LARP4B: variants seen among roughly 807,000 people sequenced by gnomAD.
LARP4B encodes the protein La ribonucleoprotein 4B.
In LARP4B, 12 loss-of-function variants were observed where a neutral mutation model predicts 89.8. The observed-to-expected ratio is 0.13, with a 90% CI of 0.09 to 0.22. The LOEUF (loss-of-function observed/expected upper bound fraction) is 0.22, where lower values mean the gene tolerates loss of function less well. LARP4B is among the 10% of genes least tolerant of loss of function. LARP4B has a pLI of 1.00. For missense variants in LARP4B, 757 were observed against 947.7 expected, an observed-to-expected ratio of 0.80 and a Z score of 2.64; for synonymous variants, 367 against 363.3, an observed-to-expected ratio of 1.01 and a Z score of -0.12.
the LARP4B span, among the ~76,000 whole-genome samples, chr10:967,115 G>C: frequency 6.6e-6 from 1 of 152,236 alleles, no homozygotes; most frequent in Non-Finnish European, 1.5e-5. Context: ...CAGAGCTGCA[G>C]TCAGCCTGGT....
At chr10:870,239 G>A (rs1252976092) in intron 3 of LARP4B, among the ~76,000 whole-genome samples, 1 of 152,114 alleles carries the variant, frequency 6.6e-6, no homozygotes, top group African/African-American at 2.4e-5. Context: ...AGAAAATGCT[G>A]GGTTTCCTAA....
intron 8 of LARP4B, among the ~76,000 whole-genome samples, chr10:832,566 A>C (rs1832965178): frequency 6.6e-6 from 1 of 152,228 alleles, no homozygotes. Flanking sequence ...GCTTAAAACC[A>C]GTAGTAAAAT....
chr10:936,163 A>G (rs1564453670), upstream of LARP4B, among the ~76,000 whole-genome samples: 5 of 152,150 alleles, frequency 3.3e-5, no homozygotes, highest in Admixed American at 3.3e-4. Flanking sequence ...ACAAATATTC[A>G]CTGAGTACCT....
chr10:987,354 G>T, the LARP4B span: 1 of 152,266 alleles, frequency 6.6e-6, no homozygotes, highest in Non-Finnish European at 1.5e-5. Flanking sequence ...GTATTTTCGC[G>T]TAAGAATAAT....
chr10:986,283 T>C, the LARP4B span: 4 of 152,236 alleles, frequency 2.6e-5, 1 homozygote, highest in South Asian at 6.2e-4. Flanking sequence ...AGCTGAGAAG[T>C]ACCTTTCTGT....
At position 817,729 on chromosome 10, in the gene LARP4B, T is replaced by G; in HGVS notation, c.1691A>C (p.Glu564Ala). 6.2e-7 allele frequency: 1 copy of G among 1,613,940 alleles called. No homozygotes were observed. The highest frequency in any genetic ancestry group is 8.5e-7 in the Non-Finnish European group (1 of 1,179,834). Residue 564 changes from glutamate to alanine, a missense_variant, in exon 15 of 18, where the codon GAA becomes GCA. By Grantham distance (107) the Glu-to-Ala change is moderately radical (BLOSUM62 -1). Transcript: ENST00000316157. The part of the protein sequence containing the change: ...LSSLIIGPSK[E>A]RTLSADASVN... ...GACATGCAATATATCCCTTACCCTTTCTTTGGATGGTCCTATTATCAAGCT... is the reference window on the plus strand; with the variant it reads ...GACATGCAATATATCCCTTACCCTTGCTTTGGATGGTCCTATTATCAAGCT...
At chr10:855,455 T>C (rs932996230) in intron 5 of LARP4B, among the ~76,000 whole-genome samples, 2 of 152,090 alleles carry the variant, frequency 1.3e-5, no homozygotes, top group African/African-American at 4.8e-5. Context: ...AATACTGTCA[T>C]GTCTCAGGGA....
intron 8 of LARP4B, among the ~76,000 whole-genome samples, chr10:835,487 C>G (rs1376570875): frequency 6.6e-6 from 1 of 152,148 alleles, no homozygotes; most frequent in African/African-American, 2.4e-5. Context: ...CAGGCAGATT[C>G]CGTTTTCTGA....
At chr10:909,483 A>G (rs1393176136) in intron 1 of LARP4B, among the ~76,000 whole-genome samples, 1 of 151,864 alleles carries the variant, frequency 6.6e-6, no homozygotes, top group Non-Finnish European at 1.5e-5. Context: ...GTTACTTACA[A>G]AAGTACTTTT....
At chr10:862,653 A>C (rs538661932) in intron 5 of LARP4B, among the ~76,000 whole-genome samples, 1 of 152,068 alleles carries the variant, frequency 6.6e-6, no homozygotes, top group Non-Finnish European at 1.5e-5. Context: ...CCAGCTACTC[A>C]GGAGGCTGAG....
At chr10:929,698 T>TCC (rs1414854250) in intron 1 of LARP4B, among the ~76,000 whole-genome samples, 2 of 152,208 alleles carry the variant, frequency 1.3e-5, no homozygotes, top group Admixed American at 1.3e-4. Flanking sequence ...ATTATCATCA[T>TCC]CCCCCTGTTA....
chr10:890,272 A>C (rs1469507446), intron 1 of LARP4B, among the ~76,000 whole-genome samples: 1 of 152,202 alleles, frequency 6.6e-6, no homozygotes, highest in East Asian at 1.9e-4. Flanking sequence ...ATCAAAGGCA[A>C]TCTCATCCAA....
the LARP4B span, among the ~76,000 whole-genome samples, chr10:983,688 C>T: frequency 1.3e-5 from 2 of 152,150 alleles, no homozygotes; most frequent in Admixed American, 1.3e-4. Flanking sequence ...ACCGAATTAC[C>T]TCCCCAAGGC....
intron 1 of LARP4B, among the ~76,000 whole-genome samples, chr10:897,963 G>C (rs1299143816): frequency 7.1e-6 from 1 of 140,506 alleles, no homozygotes; most frequent in African/African-American, 2.7e-5. Flanking sequence ...ACTCCAGCCT[G>C]GGCGACAAAG....
chr10:980,682 T>C, the LARP4B span, among the ~76,000 whole-genome samples: 1 of 152,226 alleles, frequency 6.6e-6, no homozygotes, highest in African/African-American at 2.4e-5. Context: ...GGGCAATGGA[T>C]ACCCTGGGCC....
chr10:853,853 G>C (rs921229975), intron 5 of LARP4B, among the ~76,000 whole-genome samples: 1 of 152,178 alleles, frequency 6.6e-6, no homozygotes, highest in Admixed American at 6.5e-5. Context: ...AGACAACAGC[G>C]AAGTATATCA....
intron 5 of LARP4B, among the ~76,000 whole-genome samples, chr10:851,476 G>A (rs946002139): frequency 2.6e-5 from 4 of 152,110 alleles, no homozygotes; most frequent in African/African-American, 9.7e-5. Context: ...GAACCACCAT[G>A]CCCAACAGAA....
intron 1 of LARP4B, among the ~76,000 whole-genome samples, chr10:917,940 T>A (rs1447830809): frequency 2.6e-5 from 4 of 152,208 alleles, no homozygotes. Flanking sequence ...GAGAAAAAAT[T>A]ATGCTTCATA....
intron 1 of LARP4B, among the ~76,000 whole-genome samples, chr10:899,618 C>A (rs780044913): frequency 6.6e-6 from 1 of 152,156 alleles, no homozygotes; most frequent in Non-Finnish European, 1.5e-5. Flanking sequence ...TACTCCATTT[C>A]TTTATTTGTA....
Sources: allele counts gnomAD v4.1 joint callset (sites outside exome capture counted in the v4.1 genomes callset), GRCh38; gene constraint gnomAD v4.1.1; transcripts MANE v1.5; gene names NCBI Gene and HGNC (gene_info 2026-07-23, HGNC 2026-07-21).